Variants in SYT14 observed in about 807,000 individuals in gnomAD.
The protein encoded by SYT14 is synaptotagmin-14.
In SYT14, 32 loss-of-function variants were observed where a neutral mutation model predicts 74.2. The ratio of observed to expected loss-of-function variants is 0.43; its 90% CI spans 0.33 to 0.58. The LOEUF is 0.58. SYT14 is among the 20% of genes least tolerant of loss of function. The probability of loss-of-function intolerance (pLI) is 0.05; values close to 1 mark genes in which losing one functional copy is unlikely to be tolerated. For missense variants in SYT14, 791 were observed against 981.8 expected (o/e 0.81, Z 2.60); for synonymous variants, 298 against 337.7 (o/e 0.88, Z 1.29).
chr1:209,940,456 C>G (rs1314544854), intron 1 of SYT14, among the ~76,000 whole-genome samples: 1 of 151,756 alleles, frequency 6.6e-6, no homozygotes, highest in Non-Finnish European at 1.5e-5. Context: ...ACCCTTCTCT[C>G]AAAGAGTTCA....
intron 2 of SYT14, among the ~76,000 whole-genome samples, chr1:210,012,882 A>G (rs1558127847): frequency 1.3e-5 from 2 of 151,938 alleles, no homozygotes; most frequent in South Asian, 2.1e-4. Context: ...TTGTACTTTT[A>G]GTAGAGACAG....
At chr1:210,058,102 G>T (rs1359574843) in intron 5 of SYT14, among the ~76,000 whole-genome samples, 2 of 152,160 alleles carry the variant, frequency 1.3e-5, no homozygotes, top group Non-Finnish European at 2.9e-5. Context: ...TGGAATCGGT[G>T]ACTAGGGACC....
At chr1:210,042,981 A>G (rs1024470287) in intron 5 of SYT14, among the ~76,000 whole-genome samples, 1 of 152,192 alleles carries the variant, frequency 6.6e-6, no homozygotes, top group East Asian at 1.9e-4. Context: ...CTTCCTATCC[A>G]TGAGCATGGA....
chr1:210,120,644 A>G (rs2082441791), intron 7 of SYT14, among the ~76,000 whole-genome samples: 1 of 152,198 alleles, frequency 6.6e-6, no homozygotes, highest in South Asian at 2.1e-4. Context: ...ATGTTCCCAC[A>G]ATGACAAAAT....
intron 2 of SYT14, among the ~76,000 whole-genome samples, chr1:209,993,607 C>G (rs978666382): frequency 6.6e-6 from 1 of 152,112 alleles, no homozygotes; most frequent in Admixed American, 6.5e-5. Flanking sequence ...CAGGGCCTGT[C>G]CAGAAGGGGT....
At chr1:210,094,463 G>A in exon 6 of SYT14, 2 of 1,613,974 alleles carry the variant, frequency 1.2e-6, no homozygotes, top group Non-Finnish European at 1.7e-6. Context: ...TCCCACTGCA[G>A]CAACAGTCCA....
intron 7 of SYT14, among the ~76,000 whole-genome samples, chr1:210,109,422 C>G (rs1049059344): frequency 9.2e-5 from 14 of 151,730 alleles, no homozygotes; most frequent in African/African-American, 3.4e-4. Context: ...TAATAAAACA[C>G]AAAAAATTAG....
intron 2 of SYT14, among the ~76,000 whole-genome samples, chr1:209,966,663 G>A (rs1465841724): frequency 6.6e-5 from 10 of 152,130 alleles, no homozygotes; most frequent in African/African-American, 1.2e-4. Flanking sequence ...ATACAGTTAC[G>A]TTTTATACAT....
intron 6 of SYT14, among the ~76,000 whole-genome samples, chr1:210,096,793 A>G (rs934949127): frequency 6.6e-6 from 1 of 152,246 alleles, no homozygotes; most frequent in Non-Finnish European, 1.5e-5. Flanking sequence ...AGGCTACATG[A>G]TCGTGGCTTG....
At chr1:209,971,798 T>G (rs1175538441) in intron 2 of SYT14, among the ~76,000 whole-genome samples, 1 of 152,202 alleles carries the variant, frequency 6.6e-6, no homozygotes, top group African/African-American at 2.4e-5. Flanking sequence ...AATATTTTGT[T>G]GAGAATTTTT....
chr1:210,035,477 G>T (rs2080640356), intron 5 of SYT14, among the ~76,000 whole-genome samples: 1 of 151,854 alleles, frequency 6.6e-6, no homozygotes, highest in Non-Finnish European at 1.5e-5. Context: ...TCTTAGTCAT[G>T]AATTCTTTGT....
Position 210,010,167 on chromosome 1 carries a change from TA to T in SYT14, c.-485-3464del, listed in dbSNP as rs1162373758. On this transcript the variant is annotated intron_variant, in intron 2 of 9. Transcript: ENST00000637265. The stretch of plus-strand genomic sequence containing the variant: ...AATATAGTTCTACAAGGCAAACTTG[TA>T]ATCATGTTACTCCCCAAATACAAAA... Among the ~76,000 whole-genome samples, 24 of 152,336 alleles carry T rather than the reference TA, an allele frequency of 1.6e-4. No individual in the cohort carries two copies. In the South Asian group the frequency reaches 2.3e-3, roughly 14 times the overall value.
At chr1:209,998,526 A>G (rs933635450) in intron 2 of SYT14, among the ~76,000 whole-genome samples, 1 of 152,090 alleles carries the variant, frequency 6.6e-6, no homozygotes, top group Admixed American at 6.6e-5. Flanking sequence ...TAAAGCTGGA[A>G]GCAGCATACT....
intron 5 of SYT14, among the ~76,000 whole-genome samples, chr1:210,031,927 G>T (rs2080545256): frequency 6.6e-6 from 1 of 152,044 alleles, no homozygotes. Flanking sequence ...ACAAGAAGGA[G>T]GGGAATTTAT....
At chr1:210,048,664 C>A (rs1322947232) in intron 5 of SYT14, among the ~76,000 whole-genome samples, 1 of 152,140 alleles carries the variant, frequency 6.6e-6, no homozygotes, top group African/African-American at 2.4e-5. Context: ...TCATTTCGCC[C>A]CTGGCCCCTC....
intron 5 of SYT14, among the ~76,000 whole-genome samples, chr1:210,031,666 C>T (rs1320505293): frequency 3.3e-5 from 5 of 152,086 alleles, no homozygotes; most frequent in Admixed American, 6.6e-5. Flanking sequence ...GTTTATTTCA[C>T]CTAGGTCATC....
intron 2 of SYT14, chr1:209,966,130 A>G: frequency 5.8e-6 from 2 of 343,482 alleles, no homozygotes; most frequent in Middle Eastern, 1.1e-3. Context: ...TCAACCTCGC[A>G]AAGTGCTGAG....
At chr1:210,112,013 G>T (rs973107158) in intron 7 of SYT14, among the ~76,000 whole-genome samples, 9 of 151,372 alleles carry the variant, frequency 5.9e-5, no homozygotes, top group African/African-American at 2.2e-4. Flanking sequence ...CTGAGAAACT[G>T]CTTGGGAGAT....
At chr1:209,959,622 A>G (rs1397148883) in intron 2 of SYT14, among the ~76,000 whole-genome samples, 1 of 152,212 alleles carries the variant, frequency 6.6e-6, no homozygotes, top group African/African-American at 2.4e-5. Context: ...AAGAAACCAG[A>G]CATAAAAATT....
Sources: allele counts gnomAD v4.1 joint callset (sites outside exome capture counted in the v4.1 genomes callset), GRCh38; gene constraint gnomAD v4.1.1; transcripts MANE v1.5; gene names NCBI Gene and HGNC (gene_info 2026-07-23, HGNC 2026-07-21).